The following MOB2 variants were observed in gnomAD, a reference collection of about 807,000 sequenced individuals.
The protein encoded by MOB2 is MOB kinase activator 2, also known as MOB2 Mps One Binder homolog.
In MOB2, 14 loss-of-function variants were observed where a neutral mutation model predicts 27.4. The ratio of observed to expected loss-of-function variants is 0.51; its 90% confidence interval spans 0.34 to 0.80. MOB2 has a LOEUF of 0.80. Ranked by LOEUF, MOB2 falls within the 30% of genes least tolerant of loss-of-function variation. MOB2 has a pLI of 0.01. For synonymous variants in MOB2, 167 were observed against 151.8 expected (o/e 1.10, Z -0.74); for missense variants, 304 against 354.6 (o/e 0.86, Z 1.15).
At chr11:1,486,237 G>A (rs139482338) in intron 1 of MOB2, among the ~76,000 whole-genome samples, 6 of 152,358 alleles carry the variant, frequency 3.9e-5, no homozygotes, top group Non-Finnish European at 8.8e-5. Context: ...GAGCAAACCC[G>A]CCAGGCTGGC....
chr11:1,480,715 C>T lies in MOB2; in HGVS notation c.271+10G>A. On this transcript the variant is annotated intron_variant, in intron 2 of 4. Coordinates refer to ENST00000329957, the MANE Select transcript of MOB2 (RefSeq NM_001172223.3). Reference sequence around the variant, plus strand: ...GGAGGGAGGGGGCCCGCCCCCAGGCCCCCGCGCACTGTTGCTGGCCAGCCA... The same window carrying T: ...GGAGGGAGGGGGCCCGCCCCCAGGCTCCCGCGCACTGTTGCTGGCCAGCCA... The T allele has an allele frequency of 6.2e-7, 1 of 1,600,336 alleles. No homozygotes were observed. Among genetic ancestry groups the T allele is most frequent in the Non-Finnish European group, 8.5e-7 (1 of 1,174,362 alleles).
At chr11:1,470,806 C>T (rs201587264) in intron 4 of MOB2, among the ~76,000 whole-genome samples, 2 of 81,070 alleles carry the variant, frequency 2.5e-5, no homozygotes, top group South Asian at 1.0e-3. Flanking sequence ...GGCACTCGGG[C>T]CCCCGTGGTG....
chr11:1,474,512 GT>G (rs1286471786), intron 3 of MOB2, among the ~76,000 whole-genome samples: 1 of 152,240 alleles, frequency 6.6e-6, no homozygotes, highest in African/African-American at 2.4e-5. Flanking sequence ...TCAGCGTTTG[GT>G]TTTTGACACA....
Position 1,470,310 on chromosome 11 carries a change from C to T in MOB2, c.669G>A (p.Leu223=), listed in dbSNP as rs1162541138. The part of the protein sequence containing the change: ...FILFAREFNL[L]DPKETAIMDD... ...CCATGATGGCGGTCTCTTTGGGGTC[C>T]AGCAGGTTGAACTCCCGAGCAAAGA... is the stretch of plus-strand genomic sequence containing the variant. Residue 223 remains leucine (L), a synonymous_variant, in exon 5 of 5, where the codon CTG becomes CTA. Coordinates refer to ENST00000329957, the MANE Select transcript of MOB2 (RefSeq NM_001172223.3). 1.2e-6 allele frequency: 2 copies of T among 1,613,314 alleles called. No homozygotes were observed. Among genetic ancestry groups the T allele is most frequent in the Non-Finnish European group, 1.7e-6 (2 of 1,179,914 alleles).
intron 1 of MOB2, among the ~76,000 whole-genome samples, chr11:1,483,830 A>C (rs1590768156): frequency 6.6e-6 from 1 of 152,168 alleles, no homozygotes; most frequent in East Asian, 1.9e-4. Flanking sequence ...TGCTAGACAC[A>C]AATTTGGTGG....
At chr11:1,485,365 C>T (rs1007179718) in intron 1 of MOB2, among the ~76,000 whole-genome samples, 3 of 152,340 alleles carry the variant, frequency 2.0e-5, no homozygotes, top group East Asian at 3.9e-4. Context: ...TTTGAACTCA[C>T]GAGTACTGCC....
intron 3 of MOB2, among the ~76,000 whole-genome samples, chr11:1,475,702 AT>A (rs1356700149): frequency 2.6e-5 from 4 of 152,122 alleles, no homozygotes; most frequent in African/African-American, 9.7e-5. Flanking sequence ...TGCTGCTCCC[AT>A]CCTCTCACCT....
At chr11:1,475,570 C>T (rs1000676990) in intron 3 of MOB2, among the ~76,000 whole-genome samples, 2 of 152,250 alleles carry the variant, frequency 1.3e-5, no homozygotes, top group African/African-American at 4.8e-5. Flanking sequence ...GCCAGGATTA[C>T]AGGTGTGAGC....
intron 1 of MOB2, among the ~76,000 whole-genome samples, chr11:1,485,603 A>AG (rs1273829932): frequency 6.6e-6 from 1 of 152,092 alleles, no homozygotes; most frequent in African/African-American, 2.4e-5. Flanking sequence ...CGGCCCTTGG[A>AG]GGGCACGTCC....
intron 1 of MOB2, among the ~76,000 whole-genome samples, chr11:1,484,644 G>A (rs1209657148): frequency 6.6e-6 from 1 of 152,098 alleles, no homozygotes; most frequent in Non-Finnish European, 1.5e-5. Context: ...TGGGGTGCTT[G>A]GCGCCACCCC....
chr11:1,480,626 G>C (rs1176890551), intron 2 of MOB2, 99 bp downstream of exon 2: 6 of 1,521,626 alleles, frequency 3.9e-6, no homozygotes, highest in Non-Finnish European at 5.4e-6. Flanking sequence ...CCTCGCGGCA[G>C]GGGGCTGCTG....
intron 3 of MOB2, among the ~76,000 whole-genome samples, 143 bp downstream of exon 3, chr11:1,480,232 CTTTCCACAGGAAGGTGGA>C (rs1447233026): frequency 6.6e-6 from 1 of 152,220 alleles, no homozygotes; most frequent in Non-Finnish European, 1.5e-5. Context: ...AGCCTGTGGC[CTTTCCACAGGAAGGTGGA>C]TGTTGTGGAA....
chr11:1,485,726 C>T (rs528909067), intron 1 of MOB2, among the ~76,000 whole-genome samples: 26 of 152,090 alleles, frequency 1.7e-4, no homozygotes, highest in South Asian at 1.0e-3. Flanking sequence ...TGCCCACACA[C>T]GGGTGCACAC....
chr11:1,469,658 A>G lies in MOB2; in HGVS notation c.*514T>C, dbSNP rs538154359. On this transcript the variant is annotated 3_prime_UTR_variant, in exon 5 of 5. Coordinates refer to ENST00000329957, the MANE Select transcript of MOB2 (RefSeq NM_001172223.3). ...AGCAGGAGCAGGTGCAGGGCACCTCACACCACAGGCCTCCCCCACCTCTGA... is the reference window on the plus strand; with the variant it reads ...AGCAGGAGCAGGTGCAGGGCACCTCGCACCACAGGCCTCCCCCACCTCTGA... 1.5e-5 allele frequency: 7 copies of G among 457,210 alleles called. No homozygotes were observed. The highest frequency in any genetic ancestry group is 1.0e-4 in the African/African-American group (5 of 50,190). 28.3% of individuals were successfully genotyped at this position (457,210 alleles called of 1,614,324 possible).
Position 1,470,264 on chromosome 11 carries a change from A to C in MOB2, c.715T>G (p.Cys239Gly). ...CTGTGGACCCCGCCGGCCCCGCTGC[A>C]TAGCACCTCGGTGAGGTCGTCCATG... is the stretch of plus-strand genomic sequence containing the variant. ...AIMDDLTEVL[C>G]SGAGGVHSGG... Residue 239 changes from cysteine (C) to glycine (G), a missense_variant, in exon 5 of 5, where the codon TGC (cysteine) becomes GGC (glycine). By Grantham distance (159) the Cys-to-Gly change is radical. Coordinates refer to ENST00000329957, the MANE Select transcript of MOB2 (RefSeq NM_001172223.3). The C allele has an allele frequency of 6.2e-7, 1 of 1,612,900 alleles. No homozygotes were observed. The highest frequency in any genetic ancestry group is 2.2e-5 in the East Asian group (1 of 44,858).
At chr11:1,477,110 G>A (rs370615880) in intron 3 of MOB2, among the ~76,000 whole-genome samples, 10 of 152,254 alleles carry the variant, frequency 6.6e-5, no homozygotes, top group African/African-American at 9.6e-5. Context: ...ATCGGGCTCC[G>A]TGCTCTCGCT....
intron 3 of MOB2, among the ~76,000 whole-genome samples, chr11:1,476,704 A>G (rs1396866851): frequency 6.6e-6 from 1 of 152,244 alleles, no homozygotes; most frequent in African/African-American, 2.4e-5. Flanking sequence ...ACTGAAAGTC[A>G]TCTTCTTTTT....
At chr11:1,481,715 C>G (rs1564911303) in intron 1 of MOB2, 1 of 4,790 alleles carries the variant, frequency 2.1e-4, no homozygotes, top group Non-Finnish European at 3.2e-4. Flanking sequence ...GGGGCAGGAG[C>G]AGGGGCAGGG....
chr11:1,474,586 G>C (rs551071366), intron 3 of MOB2, among the ~76,000 whole-genome samples: 44 of 152,282 alleles, frequency 2.9e-4, no homozygotes, highest in African/African-American at 9.1e-4. Context: ...AATTTATTTT[G>C]CTCTTTGTCA....
Sources: allele counts gnomAD v4.1 joint callset (sites outside exome capture counted in the v4.1 genomes callset), GRCh38; gene constraint gnomAD v4.1.1; transcripts MANE v1.5; gene names NCBI Gene and HGNC (gene_info 2026-07-23, HGNC 2026-07-21).